SLC24A2: variants seen among roughly 807,000 people sequenced by gnomAD.
SLC24A2 encodes solute carrier family 24 member 2, also known as sodium/potassium/calcium exchanger 2.
In SLC24A2, 36 loss-of-function variants were observed where a neutral mutation model predicts 62.0. The ratio of observed to expected loss-of-function variants is 0.58; its 90% confidence interval spans 0.44 to 0.77. SLC24A2 has a LOEUF of 0.77. Among genes scored for constraint, SLC24A2 ranks in the 30% least tolerant of loss-of-function variants. The pLI is 0.00. For synonymous variants in SLC24A2, 358 were observed against 294.0 expected, an observed-to-expected ratio of 1.22 and a Z score of -2.23; for missense variants, 846 against 817.9, an observed-to-expected ratio of 1.03 and a Z score of -0.42.
At chr9:19,992,934 T>A in the SLC24A2 span, among the ~76,000 whole-genome samples, 100 of 152,338 alleles carry the variant, frequency 6.6e-4, no homozygotes, top group Admixed American at 1.2e-3. Context: ...ATCAAAGTCC[T>A]ACCAAAACAT....
At chr9:20,236,999 G>A in the SLC24A2 span, among the ~76,000 whole-genome samples, 3 of 151,994 alleles carry the variant, frequency 2.0e-5, no homozygotes, top group Admixed American at 6.6e-5. Context: ...CAATAAGCAA[G>A]CAGAAGCCAG....
chr9:19,594,395 C>T (rs1836645750), intron 5 of SLC24A2, among the ~76,000 whole-genome samples: 1 of 152,132 alleles, frequency 6.6e-6, no homozygotes, highest in South Asian at 2.1e-4. Flanking sequence ...ATTTAGAAAT[C>T]ATCTTTCAGT....
intron 2 of SLC24A2, among the ~76,000 whole-genome samples, chr9:19,680,415 CAGGGATG>C (rs1819686247): frequency 6.6e-6 from 1 of 152,050 alleles, no homozygotes; most frequent in Non-Finnish European, 1.5e-5. Context: ...AGGCTGAGGT[CAGGGATG>C]AAAATGAAGG....
chr9:19,965,710 G>A, the SLC24A2 span, among the ~76,000 whole-genome samples: 1 of 152,110 alleles, frequency 6.6e-6, no homozygotes, highest in East Asian at 1.9e-4. Context: ...AAGAACCTAT[G>A]CTTTCACTGA....
the SLC24A2 span, among the ~76,000 whole-genome samples, chr9:20,211,781 C>T: frequency 1.3e-5 from 2 of 152,104 alleles, no homozygotes; most frequent in Non-Finnish European, 2.9e-5. Flanking sequence ...AATTATAAGG[C>T]TATTAAACTA....
the SLC24A2 span, among the ~76,000 whole-genome samples, chr9:20,215,030 G>C: frequency 1.3e-5 from 2 of 152,110 alleles, no homozygotes; most frequent in East Asian, 3.9e-4. Context: ...AAATACCATA[G>C]ACTAGATGGC....
chr9:20,025,786 G>C, the SLC24A2 span, among the ~76,000 whole-genome samples: 1 of 152,174 alleles, frequency 6.6e-6, no homozygotes, highest in Non-Finnish European at 1.5e-5. Flanking sequence ...ATCTATAAGA[G>C]AGGTGGAGAT....
the SLC24A2 span, among the ~76,000 whole-genome samples, chr9:20,160,533 T>C: frequency 6.6e-6 from 1 of 151,414 alleles, no homozygotes; most frequent in Non-Finnish European, 1.5e-5. Context: ...GATATGGTAG[T>C]TTATAAAGTA....
chr9:19,652,992 C>A (rs80264254), intron 2 of SLC24A2, among the ~76,000 whole-genome samples: 1,989 of 152,180 alleles, frequency 0.013, 40 homozygotes, highest in African/African-American at 0.046. Context: ...AAAGGCAACC[C>A]TTCCCATAGG....
At chr9:19,807,959 G>A in the SLC24A2 span, among the ~76,000 whole-genome samples, 1 of 152,170 alleles carries the variant, frequency 6.6e-6, no homozygotes, top group Non-Finnish European at 1.5e-5. Context: ...CTTCTAAATG[G>A]TTATTCCTTT....
At position 19,762,793 on chromosome 9, in the gene SLC24A2, C is replaced by CTTTT. The variant is rs58241037; in HGVS notation, c.930+23140_930+23143dup. On this transcript the variant is annotated intron_variant, in intron 2 of 10. Transcript: ENST00000341998. The stretch of plus-strand genomic sequence containing the variant: ...CTTAGGATTGTCTTGGCTATATGTG[C>CTTTT]TTTTTTTTTTTTTTTTTTGGTTCCA... 3.9e-3 allele frequency among the ~76,000 whole-genome samples: 399 copies of CTTTT among 102,326 alleles called. 19 individuals are homozygous for CTTTT. The highest frequency in any genetic ancestry group is 0.012 in the East Asian group (40 of 3,346). The allele number at this position is 102,326 out of a possible 152,430, so 67.1% of individuals were successfully genotyped here.
the SLC24A2 span, among the ~76,000 whole-genome samples, chr9:20,117,061 C>A: frequency 1.3e-5 from 2 of 152,134 alleles, no homozygotes; most frequent in Non-Finnish European, 2.9e-5. Flanking sequence ...TTTCATCTGG[C>A]AGGATTAGGC....
At chr9:19,529,396 G>T (rs1460621997) in intron 8 of SLC24A2, among the ~76,000 whole-genome samples, 1 of 151,982 alleles carries the variant, frequency 6.6e-6, no homozygotes, top group Admixed American at 6.6e-5. Context: ...TCCAAACCAG[G>T]CTTATGTTTT....
At chr9:19,993,369 C>A in the SLC24A2 span, among the ~76,000 whole-genome samples, 1 of 152,150 alleles carries the variant, frequency 6.6e-6, no homozygotes, top group South Asian at 2.1e-4. Context: ...TATATAAACT[C>A]ACAGCATTGA....
the SLC24A2 span, among the ~76,000 whole-genome samples, chr9:20,303,928 C>A: frequency 1.3e-5 from 2 of 152,042 alleles, no homozygotes; most frequent in South Asian, 2.1e-4. Flanking sequence ...TTGGATGGGG[C>A]AAGACTTGGG....
At chr9:19,582,555 G>C (rs182870608) in intron 5 of SLC24A2, among the ~76,000 whole-genome samples, 1 of 152,216 alleles carries the variant, frequency 6.6e-6, no homozygotes, top group Non-Finnish European at 1.5e-5. Flanking sequence ...GGAAAAACTA[G>C]AAATCAGCCT....
At chr9:19,929,129 A>G in the SLC24A2 span, 1 of 152,204 alleles carries the variant, frequency 6.6e-6, no homozygotes, top group South Asian at 2.1e-4. Context: ...ATGCCCCCAA[A>G]GATGGGGATA....
chr9:19,942,229 A>G, the SLC24A2 span, among the ~76,000 whole-genome samples: 3 of 152,212 alleles, frequency 2.0e-5, no homozygotes, highest in Non-Finnish European at 4.4e-5. Context: ...AACCCCGAGA[A>G]TGCATTTATA....
chr9:19,935,732 C>CGT, the SLC24A2 span, among the ~76,000 whole-genome samples: 1 of 152,162 alleles, frequency 6.6e-6, no homozygotes, highest in East Asian at 1.9e-4. Context: ...AGGTCCCCCA[C>CGT]GTGTCTGATG....
Sources: allele counts gnomAD v4.1 joint callset (sites outside exome capture counted in the v4.1 genomes callset), GRCh38; gene constraint gnomAD v4.1.1; transcripts MANE v1.5; gene names NCBI Gene and HGNC (gene_info 2026-07-23, HGNC 2026-07-21).